STK24: variants seen among roughly 807,000 people sequenced by gnomAD.
STK24 encodes serine/threonine kinase 24, also known as serine/threonine-protein kinase 24.
Under a neutral mutation model 55.6 loss-of-function variants are expected in STK24, and 21 were observed. The observed-to-expected ratio is 0.38, with a 90% CI of 0.27 to 0.54. STK24 has a LOEUF of 0.54. Ranked by LOEUF, STK24 falls within the 20% of genes least tolerant of loss-of-function variation. STK24 has a pLI of 0.79. For missense variants in STK24, 383 were observed against 538.4 expected (o/e 0.71, Z 2.86); for synonymous variants, 200 against 215.2 (o/e 0.93, Z 0.62).
chr13:98,482,109 T>C (rs1566360048), intron 3 of STK24, among the ~76,000 whole-genome samples, 156 bp downstream of exon 3: 1 of 151,120 alleles, frequency 6.6e-6, no homozygotes, highest in Non-Finnish European at 1.5e-5. Context: ...TAGTGATATA[T>C]AAGAAGCAAA....
Position 98,555,665 on chromosome 13 carries a change from A to G in STK24, c.42+21080T>C, listed in dbSNP as rs543838583. Among the ~76,000 whole-genome samples, 6 of 151,330 alleles carry G rather than the reference A, an allele frequency of 4.0e-5. No individual in the cohort carries two copies. In the South Asian group the frequency reaches 1.0e-3, roughly 26 times the overall value. ...TTAACCAATTAAAAACGTCCTACAC[A>G]TATCAGCCTCCCTGTCTTTTTTTTT... On this transcript the variant is annotated intron_variant, in intron 1 of 10. Transcript: ENST00000539966.
intron 2 of STK24, among the ~76,000 whole-genome samples, chr13:98,511,070 C>T (rs1895863363): frequency 6.6e-6 from 1 of 152,162 alleles, no homozygotes; most frequent in Admixed American, 6.5e-5. Context: ...ACAATCATAG[C>T]TCACTGCAGC....
rs1892768692 is a variant in STK24, at chr13:98,445,470, T to TG, written c.*7702dup. The TG allele has an allele frequency of 6.6e-6, 1 of 152,172 alleles. No homozygotes were observed. The highest frequency in any genetic ancestry group is 6.5e-5 in the Admixed American group (1 of 15,284). The allele number at this position is 152,172 out of a possible 1,614,324, so 9.4% of individuals were successfully genotyped here. ...AATGCTCCAGGGGCTGGGCCGGCCC[T>TG]GAGCCTGGAGGTGGGCAGGGCTGCA... is the stretch of plus-strand genomic sequence containing the variant. On this transcript the variant is annotated 3_prime_UTR_variant, in exon 11 of 11. Transcript: ENST00000539966.
At chr13:98,521,065 C>G (rs1284430356) in intron 1 of STK24, among the ~76,000 whole-genome samples, 1 of 152,212 alleles carries the variant, frequency 6.6e-6, no homozygotes, top group Non-Finnish European at 1.5e-5. Context: ...ACTGAGTGCT[C>G]AGCCCACACC....
chr13:98,488,034 T>A (rs1853338908), intron 2 of STK24, among the ~76,000 whole-genome samples: 1 of 152,076 alleles, frequency 6.6e-6, no homozygotes, highest in Non-Finnish European at 1.5e-5. Flanking sequence ...ACACCCACGA[T>A]TCACATGTTG....
At chr13:98,521,760 T>A (rs778316738) in intron 1 of STK24, 1 of 780,608 alleles carries the variant, frequency 1.3e-6, no homozygotes, top group African/African-American at 1.7e-5. Context: ...GCTGCTTTCA[T>A]GCCCTCTCCC....
At chr13:98,474,128 T>A (rs371252011) in intron 5 of STK24, among the ~76,000 whole-genome samples, 4 of 152,202 alleles carry the variant, frequency 2.6e-5, no homozygotes. Context: ...AGTCCCGGGA[T>A]TTTTTGTCCC....
At chr13:98,461,039 G>A (rs1200695559) in intron 8 of STK24, among the ~76,000 whole-genome samples, 8 of 129,244 alleles carry the variant, frequency 6.2e-5, no homozygotes, top group Non-Finnish European at 1.2e-4. Context: ...CAGAGACCCC[G>A]TCTCAAAAAA....
At chr13:98,457,598 T>G (rs1342772735) in intron 9 of STK24, among the ~76,000 whole-genome samples, 1 of 151,498 alleles carries the variant, frequency 6.6e-6, no homozygotes, top group Non-Finnish European at 1.5e-5. Context: ...GCCTCCCGAG[T>G]AGCTGGGATT....
At chr13:98,576,031 A>G in intron 1 of STK24, 1 of 985,174 alleles carries the variant, frequency 1.0e-6, no homozygotes, top group African/African-American at 1.7e-5. Context: ...ATTCCTGTAA[A>G]TGCAACCAAG....
At chr13:98,514,960 C>T (rs577015203) in intron 2 of STK24, among the ~76,000 whole-genome samples, 2 of 152,154 alleles carry the variant, frequency 1.3e-5, no homozygotes, top group Admixed American at 6.5e-5. Flanking sequence ...ATCTGCGTTT[C>T]CTCAAGAAAA....
At position 98,446,916 on chromosome 13, in the gene STK24, C is replaced by G; in HGVS notation, c.*6257G>C. The G allele has an allele frequency of 7.7e-7, 1 of 1,303,358 alleles. No homozygotes were observed. The highest frequency in any genetic ancestry group is 2.3e-5 in the East Asian group (1 of 42,950). The allele number at this position is 1,303,358 out of a possible 1,614,324, so 80.7% of individuals were successfully genotyped here. ...AGTCAGCGAGTGAGATGGCCCCACC[C>G]TTCCCTGCCAACTAAGCGTTTAGAC... On this transcript the variant is annotated 3_prime_UTR_variant, in exon 11 of 11. Coordinates refer to ENST00000539966, the MANE Select transcript of STK24 (RefSeq NM_001032296.4).
At position 98,531,748 on chromosome 13, in the gene STK24, C is replaced by T. The variant is rs571713228; in HGVS notation, c.43-12275G>A. Among the ~76,000 whole-genome samples the T allele has an allele frequency of 3.1e-4, 47 of 152,296 alleles. No homozygotes were observed. In the South Asian group the frequency reaches 3.5e-3, roughly 11 times the overall value. ...ACTCGACCTTCACCCTTTGAAGGTG[C>T]AGATGGTATTAATGGGTTTTTGGCT... is the stretch of plus-strand genomic sequence containing the variant. On this transcript the variant is annotated intron_variant, in intron 1 of 10. Coordinates refer to ENST00000539966, the MANE Select transcript of STK24 (RefSeq NM_001032296.4).
chr13:98,565,490 G>C (rs1897540493), intron 1 of STK24, among the ~76,000 whole-genome samples: 1 of 152,074 alleles, frequency 6.6e-6, no homozygotes, highest in African/African-American at 2.4e-5. Flanking sequence ...AAATTAGCCT[G>C]GTGTGGTCGC....
intron 1 of STK24, among the ~76,000 whole-genome samples, chr13:98,569,427 C>CA (rs200044138): frequency 0.18 from 23,867 of 131,500 alleles, 1,984 homozygotes; most frequent in African/African-American, 0.2. Flanking sequence ...AAAAAAAAAA[C>CA]AAAAAAAAAC....
At chr13:98,476,545 T>C (rs1209122569) in intron 3 of STK24, among the ~76,000 whole-genome samples, 1 of 152,234 alleles carries the variant, frequency 6.6e-6, no homozygotes, top group East Asian at 1.9e-4. Flanking sequence ...GGATGAAAAC[T>C]AGGGCGCTCC....
intron 2 of STK24, among the ~76,000 whole-genome samples, chr13:98,492,265 G>A (rs1469049767): frequency 6.6e-6 from 1 of 152,132 alleles, no homozygotes. Flanking sequence ...AGAGGAGGAG[G>A]AAGAGGTTCC....
At chr13:98,526,190 T>G (rs772382928) in intron 1 of STK24, among the ~76,000 whole-genome samples, 23 of 152,254 alleles carry the variant, frequency 1.5e-4, no homozygotes, top group Non-Finnish European at 3.4e-4. Context: ...TCTCTCAGTC[T>G]TCTTTCTGTG....
chr13:98,446,161 G>A lies in STK24; in HGVS notation c.*7012C>T. 1 of 1,614,030 alleles carries A rather than the reference G, an allele frequency of 6.2e-7. No homozygotes were observed. Among genetic ancestry groups the A allele is most frequent in the Non-Finnish European group, 8.5e-7 (1 of 1,179,882 alleles). The stretch of plus-strand genomic sequence containing the variant: ...CAGCAACGGGTGGCAGAAGCTGTGG[G>A]TGGTGTTCACAAACTTCTGCCTGTT... On this transcript the variant is annotated 3_prime_UTR_variant, in exon 11 of 11. Coordinates refer to ENST00000539966, the MANE Select transcript of STK24 (RefSeq NM_001032296.4).
Sources: gnomAD v4.1 joint callset for allele counts (sites outside exome capture counted in the v4.1 genomes callset) on GRCh38, gnomAD v4.1.1 for gene constraint, MANE v1.5 for transcripts, NCBI Gene and HGNC (gene_info 2026-07-23, HGNC 2026-07-21) for gene names.